The following CEP70 variants were observed in gnomAD, a reference collection of about 807,000 sequenced individuals.
The protein encoded by CEP70 is centrosomal protein of 70 kDa.
CEP70 carries 70 observed loss-of-function variants against 90.9 expected under a neutral mutation model. The ratio of observed to expected loss-of-function variants is 0.77; its 90% CI spans 0.64 to 0.94. The LOEUF is 0.94. Among genes scored for constraint, CEP70 ranks in the 40% least tolerant of loss-of-function variants. CEP70 has a pLI of 0.00. For synonymous variants in CEP70, 220 were observed against 228.3 expected, an observed-to-expected ratio of 0.96 and a Z score of 0.33; for missense variants, 648 against 669.0, an observed-to-expected ratio of 0.97 and a Z score of 0.35.
intron 10 of CEP70, among the ~76,000 whole-genome samples, chr3:138,525,805 G>A (rs1303975468): frequency 2.6e-5 from 4 of 152,046 alleles, no homozygotes; most frequent in Non-Finnish European, 5.9e-5. Context: ...TGTTTTTATA[G>A]TGAAATATTT....
chr3:138,520,593 T>C (rs1015710967), intron 11 of CEP70, among the ~76,000 whole-genome samples: 5 of 152,172 alleles, frequency 3.3e-5, no homozygotes, highest in African/African-American at 7.2e-5. Flanking sequence ...ACTGGGTACA[T>C]AACAAAATGA....
chr3:138,511,620 G>C (rs2035547570), intron 11 of CEP70, among the ~76,000 whole-genome samples: 1 of 152,096 alleles, frequency 6.6e-6, no homozygotes, highest in African/African-American at 2.4e-5. Context: ...AGTTACTCTG[G>C]GAAATGAAAT....
In CEP70 at chr3:138,500,410, A is replaced by T. The variant is rs114744558; in HGVS notation, c.1526T>A (p.Leu509His). ...MNNAVRNLQE[L>H]LELDSSSSLC... is the part of the protein sequence containing the mutation. ...AATTAGGTCATCACCTAATTCTAAG[A>T]GTTCTTGGAGGTTTCTCACAGCATT... is the stretch of plus-strand genomic sequence containing the variant. The change falls in exon 15 of 18, where the codon CTC becomes CAC. Residue 509 changes from leucine (L) to histidine (H), a missense_variant. Physicochemically the swap from Leu to His is moderately conservative, Grantham distance 99 (BLOSUM62 -3). Transcript: ENST00000264982. The T allele has an allele frequency of 2.0e-3, 3,165 of 1,584,810 alleles. 7 individuals are homozygous for T. Among genetic ancestry groups the T allele is most frequent in the Non-Finnish European group, 2.4e-3 (2,843 of 1,171,770 alleles).
At chr3:138,546,152 C>G (rs1408555910) in intron 6 of CEP70, among the ~76,000 whole-genome samples, 6 of 152,070 alleles carry the variant, frequency 3.9e-5, no homozygotes, top group Admixed American at 2.0e-4. Flanking sequence ...TGATGTCATC[C>G]CCGGAGGCCC....
At chr3:138,534,014 G>A (rs1280200994) in intron 7 of CEP70, among the ~76,000 whole-genome samples, 1 of 152,166 alleles carries the variant, frequency 6.6e-6, no homozygotes. Context: ...TCGATCTCCT[G>A]ACCTCGTGAT....
chr3:138,571,149 T>C lies in CEP70; in HGVS notation c.169A>G (p.Ile57Val). ...CTTTGTGATGACTGTTTGTCAAAAA[T>C]GATGAGATCTACATTTAAAAAGTAT... Reference protein sequence around the residue: ...VKRTDLKDLIIFDKQSSQRMR... With the variant: ...VKRTDLKDLIVFDKQSSQRMR... The change falls in exon 5 of 18, where the codon ATT becomes GTT. Residue 57 changes from isoleucine to valine, a missense_variant. Coordinates refer to ENST00000264982, the MANE Select transcript of CEP70 (RefSeq NM_024491.4). 6.3e-7 allele frequency: 1 copy of C among 1,592,396 alleles called. No individual in the cohort carries two copies. The highest frequency in any genetic ancestry group is 1.1e-5 in the South Asian group (1 of 87,706).
At chr3:138,515,902 C>T (rs545123003) in intron 11 of CEP70, among the ~76,000 whole-genome samples, 3 of 152,264 alleles carry the variant, frequency 2.0e-5, no homozygotes, top group Non-Finnish European at 4.4e-5. Flanking sequence ...CACTGACAAC[C>T]ACCTTGTTAT....
intron 13 of CEP70, 75 bp from the exon 14 acceptor site, chr3:138,500,956 T>G (rs879472780): frequency 1.7e-6 from 1 of 591,718 alleles, no homozygotes; most frequent in East Asian, 3.8e-5. Flanking sequence ...ACATAATTAG[T>G]AAAATTATAA....
At chr3:138,546,577 C>T (rs1008503978) in intron 6 of CEP70, among the ~76,000 whole-genome samples, 7 of 151,996 alleles carry the variant, frequency 4.6e-5, no homozygotes, top group Non-Finnish European at 5.9e-5. Context: ...GGTGAAACCC[C>T]GTCTCTACTG....
chr3:138,559,538 G>A (rs1216950967), intron 6 of CEP70, among the ~76,000 whole-genome samples: 1 of 152,158 alleles, frequency 6.6e-6, no homozygotes, highest in African/African-American at 2.4e-5. Context: ...TTCAAGACCA[G>A]CCTGGCCAAC....
Position 138,557,043 on chromosome 3 carries a change from C to T in CEP70, c.465+13275G>A, listed in dbSNP as rs150290727. ...GGGGCTTATTTCATCCCTACAGTCT[C>T]GACCATAGAAGACAGCCACACCCAA... On this transcript the variant is annotated intron_variant, in intron 6 of 17. Transcript: ENST00000264982. Among the ~76,000 whole-genome samples the T allele has an allele frequency of 6.7e-3, 1,014 of 152,158 alleles. 10 individuals carry two copies. The highest frequency in any genetic ancestry group is 0.041 in the Middle Eastern group (12 of 294).
rs145242155 is a variant in CEP70 at position 138,575,513 on chromosome 3, C to T, written c.-5-2581G>A. 5.0e-3 allele frequency among the ~76,000 whole-genome samples: 768 copies of T among 152,290 alleles called. 4 individuals are homozygous for T. Among genetic ancestry groups the T allele is most frequent in the African/African-American group, 0.018 (741 of 41,540 alleles). ...AAGTGATGGGGGGAATGGAACCAAG[C>T]TGGAAAACACTCCTCAGGATATTAT... is the stretch of plus-strand genomic sequence containing the variant. On this transcript the variant is annotated intron_variant, in intron 2 of 17. Coordinates refer to ENST00000264982, the MANE Select transcript of CEP70 (RefSeq NM_024491.4).
chr3:138,507,539 T>G (rs188377096), intron 12 of CEP70, among the ~76,000 whole-genome samples: 1 of 152,092 alleles, frequency 6.6e-6, no homozygotes, highest in African/African-American at 2.4e-5. Flanking sequence ...AATATGGAAA[T>G]AGTTGAGAAA....
Position 138,505,295 on chromosome 3 carries a change from C to CT in CEP70, c.1220dup (p.Asp408GlyfsTer4). On this transcript the variant is annotated frameshift_variant and splice_region_variant, in exon 13 of 18. Coordinates refer to ENST00000264982, the MANE Select transcript of CEP70 (RefSeq NM_024491.4). LOFTEE classifies it high-confidence loss of function. ...CATATAATCATAGTCAACCCCTTAC[C>CT]TTTAAGGATGTCAGTTGATCTGCCC... The CT allele has an allele frequency of 6.2e-7, 1 of 1,603,050 alleles. No individual in the cohort carries two copies. Among genetic ancestry groups the CT allele is most frequent in the Non-Finnish European group, 8.5e-7 (1 of 1,174,976 alleles).
intron 6 of CEP70, among the ~76,000 whole-genome samples, chr3:138,543,446 G>A (rs1326780342): frequency 2.6e-5 from 4 of 152,232 alleles, no homozygotes; most frequent in African/African-American, 9.6e-5. Flanking sequence ...AGTGGGTACT[G>A]GGAGTGAAGA....
chr3:138,591,633 CTG>C (rs1205144409), intron 2 of CEP70, among the ~76,000 whole-genome samples: 1 of 152,192 alleles, frequency 6.6e-6, no homozygotes, highest in Non-Finnish European at 1.5e-5. Flanking sequence ...AGGATGGAGA[CTG>C]TGATTAGAGT....
intron 6 of CEP70, among the ~76,000 whole-genome samples, chr3:138,553,658 A>G (rs1430262665): frequency 2.6e-5 from 4 of 152,178 alleles, no homozygotes; most frequent in Non-Finnish European, 5.9e-5. Flanking sequence ...AGGAAAAGAT[A>G]TAACAAAAAA....
chr3:138,500,717 C>T lies in CEP70; in HGVS notation c.1368+18G>A, dbSNP rs779631741. On this transcript the variant is annotated intron_variant, in intron 14 of 17. Coordinates refer to ENST00000264982, the MANE Select transcript of CEP70 (RefSeq NM_024491.4). ...GAGATAAGAAACATTAGAAGGTGAC[C>T]GTTCATGTAGGTATTACCTTTTCCT... 1.5e-5 allele frequency: 23 copies of T among 1,557,524 alleles called. No individual in the cohort carries two copies. The highest frequency in any genetic ancestry group is 1.7e-4 in the Middle Eastern group (1 of 5,800).
At chr3:138,579,462 T>G (rs997693616) in intron 2 of CEP70, among the ~76,000 whole-genome samples, 6 of 151,496 alleles carry the variant, frequency 4.0e-5, no homozygotes, top group Non-Finnish European at 5.9e-5. Context: ...AACCTTTCCT[T>G]CTGCTTGAGA....
Sources: gnomAD v4.1 joint callset for allele counts (sites outside exome capture counted in the v4.1 genomes callset) on GRCh38, gnomAD v4.1.1 for gene constraint, MANE v1.5 for transcripts, NCBI Gene and HGNC (gene_info 2026-07-23, HGNC 2026-07-21) for gene names.